The following CDON variants were observed in gnomAD, a reference collection of about 807,000 sequenced individuals.
The protein encoded by CDON is cell adhesion associated, oncogene regulated.
CDON carries 73 observed loss-of-function variants against 120.9 expected under a neutral mutation model. The observed-to-expected ratio is 0.60, with a 90% CI of 0.50 to 0.73. The LOEUF (loss-of-function observed/expected upper bound fraction) is 0.73. Among genes scored for constraint, CDON ranks in the 30% least tolerant of loss-of-function variants. The pLI is 0.00. For synonymous variants in CDON, 566 were observed against 573.5 expected (o/e 0.99, Z 0.19); for missense variants, 1,470 against 1,587.3 (o/e 0.93, Z 1.26).
At chr11:126,003,596 G>A (rs571769436) in intron 10 of CDON, among the ~76,000 whole-genome samples, 5 of 152,186 alleles carry the variant, frequency 3.3e-5, no homozygotes, top group Admixed American at 6.5e-5. Flanking sequence ...TGAGGTGGGC[G>A]GATCACGAGG....
intron 1 of CDON, among the ~76,000 whole-genome samples, chr11:126,038,588 G>A (rs2134812366): frequency 6.6e-6 from 1 of 152,086 alleles, no homozygotes; most frequent in African/African-American, 2.4e-5. Context: ...GGAGGCAGAG[G>A]TTGCAGTGAG....
At chr11:126,051,347 T>C (rs184371877) in intron 1 of CDON, among the ~76,000 whole-genome samples, 6 of 152,316 alleles carry the variant, frequency 3.9e-5, no homozygotes, top group Admixed American at 2.6e-4. Context: ...AAAACACAGA[T>C]AGTGTTTTCT....
intron 1 of CDON, among the ~76,000 whole-genome samples, chr11:126,025,087 C>T (rs1014516108): frequency 3.3e-5 from 5 of 152,212 alleles, no homozygotes; most frequent in Admixed American, 2.0e-4. Context: ...CACCTGTAAT[C>T]CCAGCTACTC....
At chr11:125,967,382 T>C (rs1028164977) in intron 18 of CDON, among the ~76,000 whole-genome samples, 4 of 152,220 alleles carry the variant, frequency 2.6e-5, no homozygotes, top group Admixed American at 1.3e-4. Context: ...GCTTTTTTAA[T>C]GATAGTTATT....
rs75013784 is a variant in CDON at position 125,988,528 on chromosome 11, T to C, written c.2773+1109A>G. ...ACTAACAACGTTGGAGTTAGTTACC[T>C]ACTTCTGGGCTGCTTATTTTGGGGA... On this transcript the variant is annotated intron_variant, in intron 15 of 19. Coordinates refer to ENST00000531738, the MANE Select transcript of CDON (RefSeq NM_001378964.1). Among the ~76,000 whole-genome samples the C allele has an allele frequency of 9.2e-3, 1,403 of 152,308 alleles. 27 individuals are homozygous for C. The highest frequency in any genetic ancestry group is 0.032 in the African/African-American group (1,332 of 41,566).
Position 126,020,922 on chromosome 11 carries a change from C to T in CDON, c.349+326G>A, listed in dbSNP as rs555793144. Among the ~76,000 whole-genome samples the T allele has an allele frequency of 1.3e-4, 19 of 151,744 alleles. No homozygotes were observed. In the East Asian group the frequency reaches 3.7e-3, roughly 29 times the overall value. On this transcript the variant is annotated intron_variant, in intron 3 of 19. Coordinates refer to ENST00000531738, the MANE Select transcript of CDON (RefSeq NM_001378964.1). The stretch of plus-strand genomic sequence containing the variant: ...ATGATATCATGGATTTCCAAGCACT[C>T]ACAAAGAAATTGTTCAGAATTCACA...
intron 2 of CDON, among the ~76,000 whole-genome samples, chr11:126,022,382 A>G (rs1445239265): frequency 6.6e-6 from 1 of 152,198 alleles, no homozygotes; most frequent in Non-Finnish European, 1.5e-5. Flanking sequence ...ATTGAAATAC[A>G]AAGGCTATCC....
rs564082114 is a variant in CDON, at chr11:126,042,112, G to A, written c.-61-18575C>T. 3.4e-4 allele frequency among the ~76,000 whole-genome samples: 51 copies of A among 152,238 alleles called. 3 individuals carry two copies. The South Asian group carries it at 9.1e-3, about 27-fold the overall frequency. ...TTGGTCAGGCTTGTCTCGAACTCCC[G>A]ACCTTAGGTGATCTGCCTGCCTCGG... is the stretch of plus-strand genomic sequence containing the variant. On this transcript the variant is annotated intron_variant, in intron 1 of 19. Coordinates refer to ENST00000531738, the MANE Select transcript of CDON (RefSeq NM_001378964.1).
At chr11:126,035,202 G>T (rs1948061877) in intron 1 of CDON, among the ~76,000 whole-genome samples, 2 of 152,092 alleles carry the variant, frequency 1.3e-5, no homozygotes, top group African/African-American at 4.8e-5. Flanking sequence ...TCATTTCCAT[G>T]AAGTACATTA....
Position 126,049,161 on chromosome 11 carries a change from GACAGTTTATACT to G in CDON, c.-62+13406_-62+13417del, listed in dbSNP as rs1032103721. Among the ~76,000 whole-genome samples, 20 of 152,200 alleles carry G rather than the reference GACAGTTTATACT, an allele frequency of 1.3e-4. 1 individual carries two copies. Among genetic ancestry groups the G allele is most frequent in the African/African-American group, 4.3e-4 (18 of 41,516 alleles). ...GCTCACTATAGATAAAAATACTACA[GACAGTTTATACT>G]GGGCATTTAGAGATCTGAACAAGTA... is the stretch of plus-strand genomic sequence containing the variant. On this transcript the variant is annotated intron_variant, in intron 1 of 19. Coordinates refer to ENST00000531738, the MANE Select transcript of CDON (RefSeq NM_001378964.1).
At chr11:125,974,023 G>T (rs1372331335) in intron 18 of CDON, among the ~76,000 whole-genome samples, 2 of 151,840 alleles carry the variant, frequency 1.3e-5, no homozygotes, top group Non-Finnish European at 2.9e-5. Flanking sequence ...ATCCTCCGGT[G>T]TAGCTGGGAT....
At chr11:125,982,449 C>T (rs1030357644) in intron 16 of CDON, among the ~76,000 whole-genome samples, 1 of 152,122 alleles carries the variant, frequency 6.6e-6, no homozygotes, top group African/African-American at 2.4e-5. Flanking sequence ...GAGAGCTTGC[C>T]AAGGCTGGAT....
intron 18 of CDON, among the ~76,000 whole-genome samples, chr11:125,970,332 G>A (rs1391920974): frequency 6.6e-6 from 1 of 151,780 alleles, no homozygotes; most frequent in Non-Finnish European, 1.5e-5. Context: ...GCGCCACCAC[G>A]CCTGGCTGAT....
At chr11:126,012,530 T>G (rs912040844) in intron 7 of CDON, among the ~76,000 whole-genome samples, 18 of 151,834 alleles carry the variant, frequency 1.2e-4, no homozygotes, top group Admixed American at 3.3e-4. Flanking sequence ...GCCTCCTGAG[T>G]AGCTGGGACT....
At chr11:125,971,198 A>G (rs934426799) in intron 18 of CDON, among the ~76,000 whole-genome samples, 1 of 152,096 alleles carries the variant, frequency 6.6e-6, no homozygotes, top group Non-Finnish European at 1.5e-5. Context: ...CCTGGCTAAC[A>G]CAGTGAAACC....
intron 18 of CDON, among the ~76,000 whole-genome samples, chr11:125,974,124 G>T (rs1252945595): frequency 1.3e-5 from 2 of 151,610 alleles, no homozygotes; most frequent in African/African-American, 4.8e-5. Context: ...TCAAACTCCT[G>T]ACCTCAGGTG....
intron 14 of CDON, 24 bp downstream of exon 14, chr11:125,994,260 A>T: frequency 8.2e-7 from 1 of 1,222,226 alleles, no homozygotes; most frequent in Non-Finnish European, 1.2e-6. Context: ...CTTTACAGGG[A>T]CTCCAGTGTG....
chr11:125,969,949 T>C (rs1945917674), intron 18 of CDON, among the ~76,000 whole-genome samples: 1 of 152,238 alleles, frequency 6.6e-6, no homozygotes, highest in African/African-American at 2.4e-5. Context: ...CTAGAATGTA[T>C]TCGAAGTATT....
chr11:125,961,953 A>G lies in CDON; in HGVS notation c.3402T>C (p.Pro1134=), dbSNP rs542386640. 6.2e-7 allele frequency: 1 copy of G among 1,614,244 alleles called. No homozygotes were observed. Among genetic ancestry groups the G allele is most frequent in the South Asian group, 1.1e-5 (1 of 91,088 alleles). Residue 1134 remains proline (P), a synonymous_variant, in exon 19 of 20, where the codon CCT becomes CCC. Coordinates refer to ENST00000531738, the MANE Select transcript of CDON (RefSeq NM_001378964.1). ...TNSTFSSSPP[P]VVPVVAPYPQ... is the part of the protein sequence containing the mutation. ...GATAAGGTGCTACCACAGGGACCAC[A>G]GGAGGAGGGCTGCTGCTGAAAGTGC...
Sources: gnomAD v4.1 joint callset for allele counts (sites outside exome capture counted in the v4.1 genomes callset) on GRCh38, gnomAD v4.1.1 for gene constraint, MANE v1.5 for transcripts, NCBI Gene and HGNC (gene_info 2026-07-23, HGNC 2026-07-21) for gene names.